Variants in STK32B observed in about 807,000 individuals in gnomAD.
The protein encoded by STK32B is serine/threonine-protein kinase 32B.
STK32B carries 43 observed loss-of-function variants against 52.6 expected under a neutral mutation model. The ratio of observed to expected loss-of-function variants is 0.82; its 90% CI spans 0.64 to 1.05. The LOEUF is 1.05. STK32B is among the 50% of genes least tolerant of loss of function. The pLI, the probability that STK32B is intolerant of heterozygous loss-of-function variation, is 0.00. For synonymous variants in STK32B, 238 were observed against 204.3 expected (o/e 1.17, Z -1.41); for missense variants, 621 against 534.6 (o/e 1.16, Z -1.59).
At chr4:5,258,849 A>G (rs1397750353) in intron 3 of STK32B, among the ~76,000 whole-genome samples, 1 of 152,150 alleles carries the variant, frequency 6.6e-6, no homozygotes, top group African/African-American at 2.4e-5. Context: ...CTTCTCAACC[A>G]GCCCCAGGTT....
At chr4:5,351,027 T>C (rs920421642) in intron 4 of STK32B, among the ~76,000 whole-genome samples, 1 of 152,044 alleles carries the variant, frequency 6.6e-6, no homozygotes, top group African/African-American at 2.4e-5. Context: ...TTGGGGACTT[T>C]AATATCCCAC....
intron 3 of STK32B, among the ~76,000 whole-genome samples, chr4:5,295,819 ATTTG>A (rs1301280288): frequency 6.6e-6 from 1 of 151,894 alleles, no homozygotes; most frequent in Non-Finnish European, 1.5e-5. Context: ...TAGCTTTTGA[ATTTG>A]TTTGCTCTTG....
At chr4:5,202,536 T>C (rs1430468118) in intron 3 of STK32B, among the ~76,000 whole-genome samples, 20 of 152,244 alleles carry the variant, frequency 1.3e-4, no homozygotes, top group Non-Finnish European at 1.5e-5. Context: ...CTCAACCCCA[T>C]GTTTCTTCTC....
intron 3 of STK32B, among the ~76,000 whole-genome samples, chr4:5,185,546 G>A (rs1047682500): frequency 1.4e-4 from 21 of 152,194 alleles, no homozygotes; most frequent in Admixed American, 4.6e-4. Context: ...GGAAAGGGAC[G>A]TGGGGGAGGA....
At chr4:5,410,730 C>G (rs1158752183) in intron 5 of STK32B, among the ~76,000 whole-genome samples, 1 of 152,184 alleles carries the variant, frequency 6.6e-6, no homozygotes, top group Non-Finnish European at 1.5e-5. Context: ...CAATACTCCT[C>G]TGACTATTAT....
At chr4:5,244,509 G>T (rs1725299737) in intron 3 of STK32B, among the ~76,000 whole-genome samples, 1 of 149,852 alleles carries the variant, frequency 6.7e-6, no homozygotes, top group Non-Finnish European at 1.5e-5. Context: ...CAATTTTGTT[G>T]ATCTTTTGAA....
intron 11 of STK32B, 36 bp downstream of exon 11, chr4:5,468,106 T>C: frequency 6.2e-7 from 1 of 1,607,798 alleles, no homozygotes; most frequent in Non-Finnish European, 8.5e-7. Flanking sequence ...GGGCAAAGCC[T>C]GTCCTAAGTG....
At chr4:5,421,003 G>A (rs565803933) in intron 6 of STK32B, among the ~76,000 whole-genome samples, 2 of 152,020 alleles carry the variant, frequency 1.3e-5, no homozygotes, top group East Asian at 1.9e-4. Flanking sequence ...AGGTTCAGGC[G>A]ATTCTCCTGC....
intron 4 of STK32B, among the ~76,000 whole-genome samples, chr4:5,337,394 A>T (rs1400004806): frequency 6.6e-6 from 1 of 152,152 alleles, no homozygotes; most frequent in Non-Finnish European, 1.5e-5. Context: ...TGGTCCTCCC[A>T]TATACCTTTT....
At chr4:5,086,485 G>A (rs1001239220) in intron 1 of STK32B, among the ~76,000 whole-genome samples, 1 of 152,106 alleles carries the variant, frequency 6.6e-6, no homozygotes, top group Non-Finnish European at 1.5e-5. Context: ...GCCATCAAGT[G>A]TAGCAACCAT....
At chr4:5,414,213 A>G (rs1462818309) in intron 5 of STK32B, among the ~76,000 whole-genome samples, 1 of 151,996 alleles carries the variant, frequency 6.6e-6, no homozygotes, top group Non-Finnish European at 1.5e-5. Context: ...ATAATTTAGA[A>G]TTTTTTTCAG....
intron 6 of STK32B, among the ~76,000 whole-genome samples, chr4:5,436,154 T>C (rs1216967118): frequency 1.3e-5 from 2 of 152,196 alleles, no homozygotes; most frequent in Non-Finnish European, 2.9e-5. Flanking sequence ...CCTAGTACCT[T>C]GTGTTCCACC....
rs184169450 is a variant in STK32B, at chr4:5,117,748, A to G, written c.53-22157A>G. ...TTGAAGGACTGAAATCTAAAATTGT[A>G]TATATTATGTAATCAAATACACTAG... On this transcript the variant is annotated intron_variant, in intron 1 of 11. Transcript: ENST00000282908. 7.2e-5 allele frequency among the ~76,000 whole-genome samples: 11 copies of G among 152,284 alleles called. 1 individual carries two copies. The highest frequency in any genetic ancestry group is 5.9e-4 in the Admixed American group (9 of 15,298).
intron 1 of STK32B, among the ~76,000 whole-genome samples, chr4:5,094,325 A>G (rs1299688862): frequency 3.3e-5 from 5 of 152,212 alleles, no homozygotes; most frequent in African/African-American, 7.2e-5. Flanking sequence ...GCTTCTGCCA[A>G]CCAAGAGCCA....
rs1296283937 is a variant in STK32B, at chr4:5,316,248, A to G, written c.261-14972A>G. The stretch of plus-strand genomic sequence containing the variant: ...TTATATATACAATATTATATATTGT[A>G]TATATAATATATTATATAGTATATA... On this transcript the variant is annotated intron_variant, in intron 3 of 11. Transcript: ENST00000282908. Among the ~76,000 whole-genome samples the G allele has an allele frequency of 1.4e-4, 10 of 72,210 alleles. No individual in the cohort carries two copies. In the East Asian group the frequency reaches 3.5e-3, roughly 25 times the overall value. 47.4% of individuals were successfully genotyped at this position (72,210 alleles called of 152,430 possible).
chr4:5,192,199 A>G (rs1268993569), intron 3 of STK32B, among the ~76,000 whole-genome samples: 1 of 152,180 alleles, frequency 6.6e-6, no homozygotes, highest in Non-Finnish European at 1.5e-5. Context: ...AAATGATGAC[A>G]TTTTCTTAGA....
chr4:5,019,591 C>A, the STK32B span: 1 of 809,486 alleles, frequency 1.2e-6, no homozygotes, highest in East Asian at 3.4e-5. Context: ...GCACGCCCAC[C>A]GGGCAGGGTC....
At chr4:5,209,744 A>C (rs1180288699) in intron 3 of STK32B, among the ~76,000 whole-genome samples, 3 of 152,186 alleles carry the variant, frequency 2.0e-5, no homozygotes, top group East Asian at 1.9e-4. Context: ...ATCTCACCTA[A>C]TTATCATAAA....
chr4:5,051,060 A>G (rs1013126394), upstream of STK32B, among the ~76,000 whole-genome samples: 1 of 152,172 alleles, frequency 6.6e-6, no homozygotes, highest in African/African-American at 2.4e-5. Flanking sequence ...AAACCTTAAG[A>G]GGAACAGCGT....
Sources: allele counts gnomAD v4.1 joint callset (sites outside exome capture counted in the v4.1 genomes callset), GRCh38; gene constraint gnomAD v4.1.1; transcripts MANE v1.5; gene names NCBI Gene and HGNC (gene_info 2026-07-23, HGNC 2026-07-21).